PSD2: variants seen among roughly 807,000 people sequenced by gnomAD.
PSD2 encodes the protein PH and SEC7 domain-containing protein 2.
Under a neutral mutation model 69.8 loss-of-function variants are expected in PSD2, and 38 were observed. The observed-to-expected ratio is 0.54, with a 90% CI of 0.42 to 0.71. The LOEUF is 0.71. Ranked by LOEUF, PSD2 falls within the 30% of genes least tolerant of loss-of-function variation. The probability of loss-of-function intolerance (pLI) is 0.00; values close to 1 mark genes in which losing one functional copy is unlikely to be tolerated. For missense variants in PSD2, 943 were observed against 1,014.5 expected, an observed-to-expected ratio of 0.93 and a Z score of 0.96; for synonymous variants, 412 against 423.0, an observed-to-expected ratio of 0.97 and a Z score of 0.32.
At chr5:139,802,249 G>C (rs1387861126) in intron 1 of PSD2, among the ~76,000 whole-genome samples, 1 of 152,006 alleles carries the variant, frequency 6.6e-6, no homozygotes, top group East Asian at 1.9e-4. Flanking sequence ...GGCCTGGACA[G>C]AGAATGTGAG....
intron 1 of PSD2, among the ~76,000 whole-genome samples, chr5:139,806,113 C>A (rs1198270604): frequency 6.6e-6 from 1 of 152,220 alleles, no homozygotes; most frequent in East Asian, 1.9e-4. Flanking sequence ...AAGGTCATTC[C>A]AAGGGCTGAG....
rs1760817191 is a variant in PSD2, at chr5:139,839,453, CACAT to C, written c.1969-573_1969-570del. ...AAACACACAGGTGGTGACTCATACA[CACAT>C]GCATGCATGTGCACACAGCACCAGG... On this transcript the variant is annotated intron_variant, in intron 13 of 14. Transcript: ENST00000274710. This position sits in a 1 kb window ranked among gnomAD's most constrained non-coding sequence, Gnocchi z 5.1. Among the ~76,000 whole-genome samples the C allele has an allele frequency of 6.6e-6, 1 of 152,378 alleles. No homozygotes were observed. Among genetic ancestry groups the C allele is most frequent in the African/African-American group, 2.4e-5 (1 of 41,592 alleles).
chr5:139,752,603 C>T, the PSD2 span, among the ~76,000 whole-genome samples: 1,307 of 152,260 alleles, frequency 8.6e-3, 17 homozygotes, highest in African/African-American at 0.029. Context: ...ATGCAAGAGT[C>T]CACAGGCATG....
At chr5:139,783,753 G>A in the PSD2 span, among the ~76,000 whole-genome samples, 2 of 152,032 alleles carry the variant, frequency 1.3e-5, no homozygotes, top group African/African-American at 4.8e-5. Flanking sequence ...TAAAGCCAAG[G>A]GAGATTTTCA....
At chr5:139,783,570 C>T in the PSD2 span, among the ~76,000 whole-genome samples, 1 of 152,212 alleles carries the variant, frequency 6.6e-6, no homozygotes, top group African/African-American at 2.4e-5. Flanking sequence ...GTTGTTTCCA[C>T]CTCTTGGCCG....
the PSD2 span, among the ~76,000 whole-genome samples, chr5:139,764,277 T>C: frequency 1.3e-5 from 2 of 152,140 alleles, no homozygotes; most frequent in African/African-American, 4.8e-5. Flanking sequence ...AGTGGCCAGC[T>C]CGCGCCTGGC....
At chr5:139,748,449 A>G in the PSD2 span, among the ~76,000 whole-genome samples, 1 of 152,140 alleles carries the variant, frequency 6.6e-6, no homozygotes, top group Non-Finnish European at 1.5e-5. Flanking sequence ...CCTGACCGCA[A>G]TGCTCGTGCA....
At chr5:139,784,943 G>A in the PSD2 span, among the ~76,000 whole-genome samples, 35 of 151,874 alleles carry the variant, frequency 2.3e-4, no homozygotes, top group African/African-American at 7.5e-4. Flanking sequence ...ATTTTTAGTA[G>A]AGACAGGGTT....
At chr5:139,766,557 G>C in the PSD2 span, among the ~76,000 whole-genome samples, 1 of 152,312 alleles carries the variant, frequency 6.6e-6, no homozygotes, top group East Asian at 1.9e-4. Flanking sequence ...TCTGTCCTGA[G>C]TTTAGGTGAC....
Position 139,822,772 on chromosome 5 carries a change from C to A in PSD2, c.1257C>A (p.Asp419Glu). The change falls in exon 7 of 15, where the codon GAC becomes GAA. Residue 419 changes from aspartate (D) to glutamate (E), a missense_variant. By Grantham distance (45) the Asp-to-Glu change is conservative. This residue lies in a region of PSD2 where 312 missense variants were observed against 400.7 expected (regional missense o/e 0.78). Transcript: ENST00000274710. ...LTCALMLLNT[D>E]LHGHNIGKKM... ...GTGCCCTGATGCTGCTCAACACGGA[C>A]CTGCACGGCCACGTGAGTTGGGGAG... 1.9e-6 allele frequency: 3 copies of A among 1,609,174 alleles called. No homozygotes were observed. The highest frequency in any genetic ancestry group is 2.5e-6 in the Non-Finnish European group (3 of 1,177,626).
chr5:139,785,807 T>C, the PSD2 span, among the ~76,000 whole-genome samples: 1 of 152,060 alleles, frequency 6.6e-6, no homozygotes, highest in South Asian at 2.1e-4. Flanking sequence ...ATGGGTTAGA[T>C]GCTGGGTGCA....
intron 9 of PSD2, 143 bp from the exon 10 acceptor site, chr5:139,836,668 T>C: frequency 1.5e-6 from 1 of 670,888 alleles, no homozygotes; most frequent in Non-Finnish European, 2.6e-6. Context: ...TGGTCTGGAA[T>C]TGGAATCTCT....
intron 2 of PSD2, among the ~76,000 whole-genome samples, chr5:139,812,747 G>A (rs184884879): frequency 3.8e-4 from 58 of 152,344 alleles, no homozygotes; most frequent in African/African-American, 1.4e-3. Flanking sequence ...CAGGTTGTGG[G>A]AAGAGCAAAA....
At chr5:139,789,032 C>G in the PSD2 span, among the ~76,000 whole-genome samples, 1 of 152,190 alleles carries the variant, frequency 6.6e-6, no homozygotes, top group Non-Finnish European at 1.5e-5. Context: ...CAGACCAGAC[C>G]GGGGGCTCCA....
At chr5:139,769,643 C>T in the PSD2 span, among the ~76,000 whole-genome samples, 6 of 152,344 alleles carry the variant, frequency 3.9e-5, no homozygotes, top group African/African-American at 9.6e-5. Context: ...TTCAGGGACA[C>T]ACCTTTGTTC....
intron 8 of PSD2, 101 bp from the exon 9 acceptor site, chr5:139,835,622 C>A: frequency 8.1e-7 from 1 of 1,227,888 alleles, no homozygotes; most frequent in Non-Finnish European, 1.2e-6. Flanking sequence ...GCCCCATTGG[C>A]TGAAAAGGTG....
At chr5:139,816,465 T>G (rs962022346) in intron 4 of PSD2, among the ~76,000 whole-genome samples, 4 of 152,200 alleles carry the variant, frequency 2.6e-5, no homozygotes, top group Non-Finnish European at 5.9e-5. Flanking sequence ...TTAAGTGCCG[T>G]GTATTTGTTG....
chr5:139,833,907 C>A, intron 8 of PSD2, 116 bp downstream of exon 8: 1 of 780,678 alleles, frequency 1.3e-6, no homozygotes. Context: ...GGGTGCAGGG[C>A]CATGATGACA....
the PSD2 span, among the ~76,000 whole-genome samples, chr5:139,747,402 C>A: frequency 6.6e-6 from 1 of 152,150 alleles, no homozygotes; most frequent in Non-Finnish European, 1.5e-5. The surrounding 1 kb of genome is among the most constrained non-coding windows in gnomAD (Gnocchi z 6.7). Context: ...CAGGCCTCTG[C>A]GGATGGCAGA....
Sources: gnomAD v4.1 joint callset for allele counts (sites outside exome capture counted in the v4.1 genomes callset) on GRCh38, gnomAD v4.1.1 for gene constraint, gnomAD v4.1.1 regional missense constraint, Gnocchi (gnomAD v3.1) non-coding constraint, MANE v1.5 for transcripts, NCBI Gene and HGNC (gene_info 2026-07-23, HGNC 2026-07-21) for gene names.